Variants in SFTPD observed in about 807,000 individuals in gnomAD.
SFTPD encodes pulmonary surfactant-associated protein D.
A neutral mutation model predicts 34.6 loss-of-function variants in SFTPD; 18 were observed. The ratio of observed to expected loss-of-function variants is 0.52; its 90% CI spans 0.36 to 0.77. The LOEUF (loss-of-function observed/expected upper bound fraction) is 0.77, where lower values mean the gene tolerates loss of function less well. SFTPD is among the 30% of genes least tolerant of loss of function. The probability of loss-of-function intolerance (pLI) is 0.00; values close to 1 mark genes in which losing one functional copy is unlikely to be tolerated. For synonymous variants in SFTPD, 155 were observed against 180.9 expected, an observed-to-expected ratio of 0.86 and a Z score of 1.15; for missense variants, 433 against 468.9, an observed-to-expected ratio of 0.92 and a Z score of 0.71.
chr10:79,962,978 T>C (rs1396359688), intron 1 of SFTPD, among the ~76,000 whole-genome samples: 1 of 152,164 alleles, frequency 6.6e-6, no homozygotes, highest in Non-Finnish European at 1.5e-5. Context: ...TATATATCTA[T>C]CTATCATTTA....
chr10:79,938,831 A>G (rs1842583464), intron 7 of SFTPD, among the ~76,000 whole-genome samples: 1 of 152,184 alleles, frequency 6.6e-6, no homozygotes, highest in Non-Finnish European at 1.5e-5. Context: ...GTCTGGCCTC[A>G]TGTCGGCCTC....
At chr10:79,973,446 C>T (rs946565926) in intron 1 of SFTPD, among the ~76,000 whole-genome samples, 3 of 151,842 alleles carry the variant, frequency 2.0e-5, no homozygotes, top group Non-Finnish European at 4.4e-5. Flanking sequence ...GGTGAAACCC[C>T]ATCTCTACTA....
intron 7 of SFTPD, among the ~76,000 whole-genome samples, chr10:79,938,497 G>A (rs567965008): frequency 2.2e-4 from 34 of 152,254 alleles, no homozygotes; most frequent in African/African-American, 6.7e-4. Context: ...AGCAGCAAAC[G>A]TGCAGTTAGG....
At chr10:79,949,507 T>G (rs1842696132), upstream of SFTPD, among the ~76,000 whole-genome samples, 1 of 152,222 alleles carries the variant, frequency 6.6e-6, no homozygotes, top group South Asian at 2.1e-4. Context: ...CCTCTTCCTT[T>G]GTCTCAACAG....
At chr10:79,981,139 T>G (rs1349506727) in intron 1 of SFTPD, among the ~76,000 whole-genome samples, 2 of 152,004 alleles carry the variant, frequency 1.3e-5, no homozygotes, top group Non-Finnish European at 2.9e-5. Flanking sequence ...TTGAAGTAAT[T>G]TAAAAGAATC....
At chr10:79,970,266 T>TTAC (rs1342285756) in intron 1 of SFTPD, 2 of 152,142 alleles carry the variant, frequency 1.3e-5, no homozygotes, top group East Asian at 3.9e-4. Flanking sequence ...GCTGTTTTGG[T>TTAC]TACTACAGCT....
At position 79,940,758 on chromosome 10, in the gene SFTPD, G is replaced by C. The variant is rs772515944; in HGVS notation, c.698C>G (p.Ala233Gly). 1.2e-6 allele frequency: 2 copies of C among 1,611,900 alleles called. No homozygotes were observed. Among genetic ancestry groups the C allele is most frequent in the African/African-American group, 1.3e-5 (1 of 74,898 alleles). ...GAGGTGCTGTACTTGTCCCTGTAAGGCCTCAACCTGCTGCCTCAGAGAAGC... is the reference window on the plus strand; with the variant it reads ...GAGGTGCTGTACTTGTCCCTGTAAGCCCTCAACCTGCTGCCTCAGAGAAGC... ...DVASLRQQVE[A>G]LQGQVQHLQA... Residue 233 changes from alanine (A) to glycine (G), a missense_variant, in exon 7 of 8, where the codon GCC becomes GGC. By Grantham distance (60) the Ala-to-Gly change is moderately conservative. Coordinates refer to ENST00000372292, the MANE Select transcript of SFTPD (RefSeq NM_003019.5).
chr10:79,943,860 C>T (rs921072121), intron 2 of SFTPD, among the ~76,000 whole-genome samples: 5 of 152,336 alleles, frequency 3.3e-5, no homozygotes, highest in Admixed American at 1.3e-4. Flanking sequence ...TGCCCTGACC[C>T]CATGTGGAGC....
chr10:79,946,354 GA>G (rs1309571021), intron 2 of SFTPD, 106 bp downstream of exon 2: 1 of 853,596 alleles, frequency 1.2e-6, no homozygotes. Context: ...TTGGGAGGAA[GA>G]AACACGTCTC....
chr10:79,963,541 G>A (rs959144066), intron 1 of SFTPD, among the ~76,000 whole-genome samples: 4 of 152,006 alleles, frequency 2.6e-5, no homozygotes. Flanking sequence ...TATGATGAAT[G>A]AGGATTAAAA....
chr10:79,965,539 CT>C (rs149878455), intron 1 of SFTPD, among the ~76,000 whole-genome samples: 9,030 of 113,448 alleles, frequency 0.08, 650 homozygotes, highest in South Asian at 0.21. Flanking sequence ...TTTTATTTTT[CT>C]TTTTTTTTTT....
intron 1 of SFTPD, among the ~76,000 whole-genome samples, chr10:79,981,297 A>C (rs1264179163): frequency 1.3e-5 from 2 of 152,178 alleles, no homozygotes; most frequent in African/African-American, 2.4e-5. Flanking sequence ...CAAAAGAAAA[A>C]AGAAAATAAT....
At chr10:79,955,819 C>G (rs1432596589) in intron 1 of SFTPD, among the ~76,000 whole-genome samples, 1 of 152,160 alleles carries the variant, frequency 6.6e-6, no homozygotes, top group East Asian at 1.9e-4. Flanking sequence ...CTGTGTAGCT[C>G]TATTATTCAC....
rs1489342593 is a variant in SFTPD, at chr10:79,965,156, C to A, written c.36+17419G>T. 3.9e-5 allele frequency among the ~76,000 whole-genome samples: 6 copies of A among 152,230 alleles called. No homozygotes were observed. In the East Asian group the frequency reaches 1.2e-3, roughly 29 times the overall value. On this transcript the variant is annotated intron_variant, in intron 1 of 5. Coordinates refer to the SFTPD transcript ENST00000444384. ...AGGAGGACTCTGTCAAGTATAGAGC[C>A]CAAAAACTCACCAACCAAGCTGAAC...
At chr10:79,941,540 G>C in intron 5 of SFTPD, 26 bp from the exon 6 acceptor site, 1 of 1,517,630 alleles carries the variant, frequency 6.6e-7, no homozygotes, top group Non-Finnish European at 8.9e-7. Context: ...AACTGGGTGA[G>C]CTATGTACTC....
chr10:79,972,878 A>G (rs1297300875), intron 1 of SFTPD: 2 of 152,204 alleles, frequency 1.3e-5, no homozygotes, highest in African/African-American at 4.8e-5. Flanking sequence ...GGAGGATGCT[A>G]GATTTTCTCA....
intron 2 of SFTPD, among the ~76,000 whole-genome samples, 156 bp from the exon 3 acceptor site, chr10:79,943,035 A>G (rs1409462842): frequency 1.3e-5 from 2 of 152,142 alleles, no homozygotes; most frequent in African/African-American, 4.8e-5. Flanking sequence ...GGAAATGGGT[A>G]TCAACATCCC....
At chr10:79,978,651 CAAAAAAAA>C (rs58759979) in intron 1 of SFTPD, among the ~76,000 whole-genome samples, 26 of 51,946 alleles carry the variant, frequency 5.0e-4, no homozygotes, top group African/African-American at 1.7e-3. Context: ...CACCCTGTCT[CAAAAAAAA>C]AAAAAAAAAA....
chr10:79,943,863 T>C (rs1842640331), intron 2 of SFTPD, among the ~76,000 whole-genome samples: 2 of 152,136 alleles, frequency 1.3e-5, no homozygotes, highest in Non-Finnish European at 2.9e-5. Flanking sequence ...CCTGACCCCA[T>C]GTGGAGCCTT....
Sources: gnomAD v4.1 joint callset for allele counts (sites outside exome capture counted in the v4.1 genomes callset) on GRCh38, gnomAD v4.1.1 for gene constraint, MANE v1.5 for transcripts, NCBI Gene and HGNC (gene_info 2026-07-23, HGNC 2026-07-21) for gene names.